ZNF512: variants seen among roughly 807,000 people sequenced by gnomAD.
ZNF512 encodes the protein zinc finger protein 512.
ZNF512 carries 25 observed loss-of-function variants against 77.5 expected under a neutral mutation model. The observed-to-expected ratio is 0.32, with a 90% CI of 0.23 to 0.45. The LOEUF (loss-of-function observed/expected upper bound fraction) is 0.45, where lower values mean the gene tolerates loss of function less well. Among genes scored for constraint, ZNF512 ranks in the 20% least tolerant of loss-of-function variants. The pLI is 1.00. For synonymous variants in ZNF512, 246 were observed against 239.9 expected (o/e 1.03, Z -0.24); for missense variants, 483 against 692.6 (o/e 0.70, Z 3.40).
chr2:27,583,260 A>T (rs1394340012), intron 1 of ZNF512, 118 bp downstream of exon 1: 1 of 1,459,748 alleles, frequency 6.9e-7, no homozygotes, highest in African/African-American at 1.4e-5. Context: ...CGTAGGCCCC[A>T]CCCTTCTAGA....
At chr2:27,616,183 T>G in intron 11 of ZNF512, 79 bp from the exon 12 acceptor site, 1 of 972,960 alleles carries the variant, frequency 1.0e-6, no homozygotes, top group Non-Finnish European at 1.6e-6. Flanking sequence ...AATGTGGAGT[T>G]GGTCAGTGTA....
chr2:27,604,715 A>G (rs1328754815), intron 9 of ZNF512, among the ~76,000 whole-genome samples: 1 of 152,196 alleles, frequency 6.6e-6, no homozygotes, highest in Non-Finnish European at 1.5e-5. Flanking sequence ...CAGAAGGTTG[A>G]GGCTGCAGAG....
intron 10 of ZNF512, among the ~76,000 whole-genome samples, chr2:27,614,934 A>G (rs1388501459): frequency 6.6e-6 from 1 of 151,980 alleles, no homozygotes; most frequent in Non-Finnish European, 1.5e-5. Context: ...TAGGTGAAGT[A>G]TTATATCTGA....
intron 2 of ZNF512, among the ~76,000 whole-genome samples, chr2:27,594,982 A>G (rs1401110513): frequency 3.3e-5 from 5 of 152,070 alleles, no homozygotes; most frequent in African/African-American, 9.7e-5. Context: ...TACAAAAACC[A>G]GTCAGGCGTG....
chr2:27,602,616 TC>T (rs1417471845), intron 8 of ZNF512, 55 bp downstream of exon 8: 14 of 1,482,020 alleles, frequency 9.4e-6, no homozygotes, highest in Non-Finnish European at 1.3e-5. Flanking sequence ...TCAATGTCTT[TC>T]GTTCTTCTTT....
intron 9 of ZNF512, 121 bp downstream of exon 9, chr2:27,603,428 T>G: frequency 2.0e-6 from 2 of 1,025,120 alleles, no homozygotes; most frequent in Non-Finnish European, 2.8e-6. Flanking sequence ...CTCTGAATGC[T>G]TGTGTGTTGT....
intron 10 of ZNF512, among the ~76,000 whole-genome samples, chr2:27,610,188 C>A (rs1368025763): frequency 6.6e-6 from 1 of 151,100 alleles, no homozygotes; most frequent in Non-Finnish European, 1.5e-5. Flanking sequence ...CACAGTGAAA[C>A]CCCATCTCTA....
rs1220893822 is a variant in ZNF512, at chr2:27,622,450, T to C, written c.*989T>C. 6.5e-6 allele frequency: 1 copy of C among 152,838 alleles called. No individual in the cohort carries two copies. Among genetic ancestry groups the C allele is most frequent in the East Asian group, 1.9e-4 (1 of 5,340 alleles). 9.5% of individuals were successfully genotyped at this position (152,838 alleles called of 1,614,324 possible). A position where few individuals can be genotyped will look rare whatever the true frequency, so the allele number is the denominator to read the frequency against. ...CATCCCCTTAGCCAACCTCTGTCTTTTTGAATTTTCTGAGAATATTGTCCT... is the reference window on the plus strand; with the variant it reads ...CATCCCCTTAGCCAACCTCTGTCTTCTTGAATTTTCTGAGAATATTGTCCT... On this transcript the variant is annotated 3_prime_UTR_variant, in exon 14 of 14. Coordinates refer to ENST00000355467, the MANE Select transcript of ZNF512 (RefSeq NM_032434.4).
intron 13 of ZNF512, 92 bp from the exon 14 acceptor site, chr2:27,621,061 C>T: frequency 1.4e-6 from 2 of 1,429,728 alleles, no homozygotes; most frequent in African/African-American, 1.4e-5. Flanking sequence ...GTGTTCTGCC[C>T]TAATCATGCC....
chr2:27,616,110 G>A (rs1014588345), intron 11 of ZNF512, 152 bp from the exon 12 acceptor site: 13 of 506,426 alleles, frequency 2.6e-5, no homozygotes, highest in South Asian at 7.2e-5. Flanking sequence ...CTTCTTTTGC[G>A]GCTTGCATGT....
At chr2:27,586,635 A>C (rs1671341135) in intron 2 of ZNF512, among the ~76,000 whole-genome samples, 1 of 152,202 alleles carries the variant, frequency 6.6e-6, no homozygotes, top group South Asian at 2.1e-4. Context: ...TTAGAGTACA[A>C]TAGACTGCAC....
intron 9 of ZNF512, among the ~76,000 whole-genome samples, chr2:27,605,034 T>C (rs1672293082): frequency 6.6e-6 from 1 of 152,234 alleles, no homozygotes; most frequent in Admixed American, 6.5e-5. Context: ...TTTATTCCTT[T>C]TTTTTTCTGA....
intron 2 of ZNF512, among the ~76,000 whole-genome samples, chr2:27,585,203 C>T (rs897008445): frequency 4.6e-5 from 7 of 152,262 alleles, no homozygotes; most frequent in Middle Eastern, 3.4e-3. Context: ...CTACAAATTT[C>T]TGAATGAGGA....
chr2:27,603,039 A>G (rs1393612463), intron 8 of ZNF512, 101 bp from the exon 9 acceptor site: 12 of 1,350,086 alleles, frequency 8.9e-6, no homozygotes, highest in East Asian at 4.6e-5. Flanking sequence ...CAGAGGGTCT[A>G]TTTGTATTTT....
Position 27,603,324 on chromosome 2 carries a change from T to G in ZNF512, c.936+17T>G. 6.2e-7 allele frequency: 1 copy of G among 1,612,056 alleles called. No homozygotes were observed. Among genetic ancestry groups the G allele is most frequent in the Non-Finnish European group, 8.5e-7 (1 of 1,178,726 alleles). ...CATGGGCCTGTGAGTACTGATTCCTTTCTATACCCTGCGTGGGGATGTATT... is the reference window on the plus strand; with the variant it reads ...CATGGGCCTGTGAGTACTGATTCCTGTCTATACCCTGCGTGGGGATGTATT... On this transcript the variant is annotated intron_variant, in intron 9 of 13. Transcript: ENST00000355467.
chr2:27,602,063 C>T (rs1384476127), intron 7 of ZNF512, among the ~76,000 whole-genome samples: 3 of 152,230 alleles, frequency 2.0e-5, no homozygotes. Flanking sequence ...GGATTACAGG[C>T]GTGAGCCACT....
rs958012908 is a variant in ZNF512, at chr2:27,604,206, C to T, written c.936+899C>T. Among the ~76,000 whole-genome samples, 7 of 152,254 alleles carry T rather than the reference C, an allele frequency of 4.6e-5. No homozygotes were observed. In the South Asian group the frequency reaches 1.0e-3, roughly 23 times the overall value. On this transcript the variant is annotated intron_variant, in intron 9 of 13. Coordinates refer to ENST00000355467, the MANE Select transcript of ZNF512 (RefSeq NM_032434.4). ...CCTCCCAAAGTGCTGGGATTATAGG[C>T]GTGAGCCACTGTGCCCAGCCCCATT...
chr2:27,605,590 C>G (rs1335258018), intron 9 of ZNF512, among the ~76,000 whole-genome samples: 1 of 152,050 alleles, frequency 6.6e-6, no homozygotes, highest in Non-Finnish European at 1.5e-5. Context: ...ATCCTCCCAC[C>G]TCAGCCTCCC....
Position 27,583,073 on chromosome 2 carries a change from G to C in ZNF512, c.-40G>C. 6.2e-7 allele frequency: 1 copy of C among 1,613,948 alleles called. No individual in the cohort carries two copies. Among genetic ancestry groups the C allele is most frequent in the Non-Finnish European group, 8.5e-7 (1 of 1,179,830 alleles). ...GAGCGGAAGTGGCGTTGGTCTGGCC[G>C]GAGCCCTTGGGTGAAATTGTTAGGC... On this transcript the variant is annotated 5_prime_UTR_variant, in exon 1 of 14. Coordinates refer to ENST00000355467, the MANE Select transcript of ZNF512 (RefSeq NM_032434.4).
Sources: allele counts gnomAD v4.1 joint callset (sites outside exome capture counted in the v4.1 genomes callset), GRCh38; gene constraint gnomAD v4.1.1; transcripts MANE v1.5; gene names NCBI Gene and HGNC (gene_info 2026-07-23, HGNC 2026-07-21).